The following SHANK2 variants were observed in gnomAD, a reference collection of about 807,000 sequenced individuals.
SHANK2 encodes SH3 and multiple ankyrin repeat domains 2.
Under a neutral mutation model 133.7 loss-of-function variants are expected in SHANK2, and 43 were observed. The ratio of observed to expected loss-of-function variants is 0.32; its 90% CI spans 0.25 to 0.41. The LOEUF is 0.41. Ranked by LOEUF, SHANK2 falls within the 10% of genes least tolerant of loss-of-function variation. The pLI is 1.00. For synonymous variants in SHANK2, 1,017 were observed against 952.8 expected (o/e 1.07, Z -1.24); for missense variants, 1,994 against 2,235.8 (o/e 0.89, Z 2.18).
At chr11:70,496,122 C>T (rs1555157040) in intron 21 of SHANK2, among the ~76,000 whole-genome samples, 15 of 152,098 alleles carry the variant, frequency 9.9e-5, no homozygotes. Context: ...CAGGGGAAGG[C>T]CTGGGCGCAG....
intron 14 of SHANK2, among the ~76,000 whole-genome samples, chr11:70,781,223 G>A (rs1180686627): frequency 1.3e-5 from 2 of 151,936 alleles, no homozygotes; most frequent in Non-Finnish European, 2.9e-5. Context: ...AAATAGGAAC[G>A]ACAATACTGA....
At chr11:70,546,101 T>A (rs1554976349) in intron 17 of SHANK2, among the ~76,000 whole-genome samples, 2 of 53,278 alleles carry the variant, frequency 3.8e-5, no homozygotes, top group Non-Finnish European at 8.9e-5. Flanking sequence ...TATTTAATTT[T>A]TTTTTTTTTT....
At chr11:71,139,389 TATACCTTATGTTAA>T (rs1257374490) in intron 3 of SHANK2, among the ~76,000 whole-genome samples, 1 of 151,542 alleles carries the variant, frequency 6.6e-6, no homozygotes. Context: ...CATTAGAAGA[TATACCTTATGTTAA>T]ATGATGAGTT....
chr11:70,485,375 C>G lies in SHANK2; in HGVS notation c.4918G>C (p.Ala1640Pro). 1 of 1,614,066 alleles carries G rather than the reference C, an allele frequency of 6.2e-7. No individual in the cohort carries two copies. The highest frequency in any genetic ancestry group is 8.5e-7 in the Non-Finnish European group (1 of 1,180,040). ...ILQQMNREKL[A>P]KPGEGLDSPM... ...GAATCCAGTCCTTCCCCCGGCTTTG[C>G]CAATTTCTCTCGGTTCATTTGCTGT... Residue 1640 changes from alanine to proline, a missense_variant, in exon 25 of 26, where the codon GCA (alanine) becomes CCA (proline). Coordinates refer to ENST00000601538, the MANE Select transcript of SHANK2 (RefSeq NM_012309.5). The surrounding 1 kb of genome is among the most constrained non-coding windows in gnomAD (Gnocchi z 5.8).
intron 14 of SHANK2, among the ~76,000 whole-genome samples, chr11:70,712,061 G>T (rs1048747025): frequency 2.0e-5 from 3 of 152,274 alleles, no homozygotes; most frequent in Non-Finnish European, 2.9e-5. Flanking sequence ...TAGGGCGTTT[G>T]TGGAGCTTCC....
At chr11:70,540,169 G>C (rs1455398700) in intron 17 of SHANK2, among the ~76,000 whole-genome samples, 1 of 152,170 alleles carries the variant, frequency 6.6e-6, no homozygotes, top group Non-Finnish European at 1.5e-5. Context: ...GGGCTTCAAC[G>C]TAAGAATCCA....
Position 70,830,058 on chromosome 11 carries a change from C to G in SHANK2, c.1175-9376G>C, listed in dbSNP as rs569910671. On this transcript the variant is annotated intron_variant, in intron 11 of 25. Coordinates refer to ENST00000601538, the MANE Select transcript of SHANK2 (RefSeq NM_012309.5). The surrounding 1 kb of genome is among the most constrained non-coding windows in gnomAD (Gnocchi z 4.4). ...CCACACCCACCACTTGCCCCCTTCC[C>G]TGGTGGGTGCAGACCACTTCCTCAT... 1.3e-5 allele frequency among the ~76,000 whole-genome samples: 2 copies of G among 152,322 alleles called. No individual in the cohort carries two copies. The highest frequency in any genetic ancestry group is 1.3e-4 in the Admixed American group (2 of 15,306).
intron 11 of SHANK2, among the ~76,000 whole-genome samples, chr11:70,867,753 C>A (rs1463059852): frequency 2.0e-5 from 3 of 152,252 alleles, no homozygotes; most frequent in Non-Finnish European, 4.4e-5. Flanking sequence ...TATTCCACTG[C>A]TGACCTTTAT....
At chr11:71,129,053 G>C (rs1338496502) in intron 3 of SHANK2, among the ~76,000 whole-genome samples, 1 of 152,236 alleles carries the variant, frequency 6.6e-6, no homozygotes, top group African/African-American at 2.4e-5. Flanking sequence ...AAAGTGCTGG[G>C]ATTATAGGCA....
intron 17 of SHANK2, among the ~76,000 whole-genome samples, chr11:70,519,569 C>T (rs1322886796): frequency 6.6e-6 from 1 of 152,018 alleles, no homozygotes; most frequent in African/African-American, 2.4e-5. Flanking sequence ...ATCGCTTGAA[C>T]CCAGGAGGCG....
chr11:70,764,950 C>T (rs1214031066), intron 14 of SHANK2, among the ~76,000 whole-genome samples: 1 of 152,296 alleles, frequency 6.6e-6, no homozygotes, highest in East Asian at 1.9e-4. Context: ...ACATATGGCC[C>T]CTCTCCCAAC....
intron 4 of SHANK2, among the ~76,000 whole-genome samples, chr11:71,117,334 A>G (rs1259140619): frequency 6.6e-6 from 1 of 152,212 alleles, no homozygotes; most frequent in Non-Finnish European, 1.5e-5. Flanking sequence ...ATTTCTGTAT[A>G]GCAATGAAAG....
At chr11:71,130,828 C>T (rs1268557683) in intron 3 of SHANK2, among the ~76,000 whole-genome samples, 1 of 152,204 alleles carries the variant, frequency 6.6e-6, no homozygotes, top group Non-Finnish European at 1.5e-5. Context: ...GAGCCAGAAA[C>T]GCAGACCCCG....
At chr11:70,589,137 G>A (rs1208710518) in intron 17 of SHANK2, among the ~76,000 whole-genome samples, 1 of 152,184 alleles carries the variant, frequency 6.6e-6, no homozygotes, top group Non-Finnish European at 1.5e-5. Flanking sequence ...TCTATTGGAA[G>A]AAGATGCCAT....
At chr11:71,056,120 T>C (rs1056565969) in intron 10 of SHANK2, among the ~76,000 whole-genome samples, 19 of 152,280 alleles carry the variant, frequency 1.2e-4, no homozygotes, top group Admixed American at 5.2e-4. Flanking sequence ...CCCTCCTGTG[T>C]GATCCTCAGG....
intron 9 of SHANK2, among the ~76,000 whole-genome samples, chr11:71,073,165 C>CTTTTTTTTT (rs1297535726): frequency 9.9e-5 from 4 of 40,312 alleles, no homozygotes; most frequent in African/African-American, 2.3e-4. Context: ...TCTTTTTTTT[C>CTTTTTTTTT]TTTTTTTTTT....
intron 21 of SHANK2, among the ~76,000 whole-genome samples, chr11:70,496,703 G>A (rs1311088257): frequency 2.0e-5 from 3 of 152,254 alleles, no homozygotes; most frequent in Admixed American, 6.5e-5. Context: ...GGACCAGGCG[G>A]GAGCTGGGGC....
chr11:71,094,407 C>A, intron 7 of SHANK2, 130 bp downstream of exon 7: 2 of 846,452 alleles, frequency 2.4e-6, no homozygotes, highest in Non-Finnish European at 3.6e-6. Context: ...GAACACTGTG[C>A]ACGGACTCCT....
intron 5 of SHANK2, among the ~76,000 whole-genome samples, chr11:71,111,986 G>C (rs1951897991): frequency 6.6e-6 from 1 of 152,134 alleles, no homozygotes; most frequent in Admixed American, 6.5e-5. Context: ...TGTCAAGGAT[G>C]GTGGGGATGC....
Sources: gnomAD v4.1 joint callset for allele counts (sites outside exome capture counted in the v4.1 genomes callset) on GRCh38, gnomAD v4.1.1 for gene constraint, Gnocchi (gnomAD v3.1) non-coding constraint, MANE v1.5 for transcripts, NCBI Gene and HGNC (gene_info 2026-07-23, HGNC 2026-07-21) for gene names.